NCOA7: variants seen among roughly 807,000 people sequenced by gnomAD.
NCOA7 encodes the protein 140 kDa estrogen receptor-associated protein.
In NCOA7, 45 loss-of-function variants were observed where a neutral mutation model predicts 104.3. The ratio of observed to expected loss-of-function variants is 0.43; its 90% confidence interval spans 0.34 to 0.55. NCOA7 has a LOEUF of 0.55. NCOA7 is among the 20% of genes least tolerant of loss of function. The probability of loss-of-function intolerance (pLI) is 0.02; values close to 1 mark genes in which losing one functional copy is unlikely to be tolerated. For missense variants in NCOA7, 1,041 were observed against 1,119.7 expected, an observed-to-expected ratio of 0.93 and a Z score of 1.00; for synonymous variants, 398 against 402.3, an observed-to-expected ratio of 0.99 and a Z score of 0.13.
intron 6 of NCOA7, among the ~76,000 whole-genome samples, chr6:125,881,769 T>C (rs925434306): frequency 3.4e-4 from 52 of 152,044 alleles, no homozygotes; most frequent in African/African-American, 1.2e-3. Context: ...TTCCTCCTTT[T>C]TTTAAAAAAA....
rs938626016 is a variant in NCOA7, at chr6:125,922,899, A to G, written c.2523+65A>G. On this transcript the variant is annotated intron_variant, in intron 13 of 15. Coordinates refer to ENST00000392477, the MANE Select transcript of NCOA7 (RefSeq NM_181782.5). ...TTTTTCAAAATTCCCAACAGTAGAG[A>G]GACTAGTACCATATACTTCCATCAC... 6.2e-5 allele frequency: 90 copies of G among 1,449,492 alleles called. No individual in the cohort carries two copies. The Middle Eastern group carries it at 7.2e-4, about 12-fold the overall frequency. The allele number at this position is 1,449,492 out of a possible 1,614,324, so 89.8% of individuals were successfully genotyped here. A position where few individuals can be genotyped will look rare whatever the true frequency, so the allele number is the denominator to read the frequency against.
intron 12 of NCOA7, 77 bp from the exon 13 acceptor site, chr6:125,922,605 C>T: frequency 6.6e-7 from 1 of 1,517,888 alleles, no homozygotes; most frequent in Non-Finnish European, 9.0e-7. Flanking sequence ...GAATAACAGG[C>T]ATTTGTTTTG....
At chr6:125,865,886 C>A (rs1370553451) in intron 3 of NCOA7, among the ~76,000 whole-genome samples, 2 of 135,566 alleles carry the variant, frequency 1.5e-5, no homozygotes, top group Admixed American at 1.4e-4. Context: ...CAGGGTCTGC[C>A]CATCTTACTC....
At chr6:125,850,760 T>C (rs1446855255) in intron 2 of NCOA7, among the ~76,000 whole-genome samples, 1 of 152,212 alleles carries the variant, frequency 6.6e-6, no homozygotes, top group Non-Finnish European at 1.5e-5. Flanking sequence ...ACAAAGTTAA[T>C]CCCAAACATG....
intron 13 of NCOA7, among the ~76,000 whole-genome samples, chr6:125,924,718 A>G (rs1020328119): frequency 1.3e-5 from 2 of 152,114 alleles, no homozygotes; most frequent in African/African-American, 4.8e-5. Context: ...CTCAGTTATA[A>G]CAGTGGGACT....
At chr6:125,923,036 A>G (rs899305669) in intron 13 of NCOA7, among the ~76,000 whole-genome samples, 2 of 152,156 alleles carry the variant, frequency 1.3e-5, no homozygotes, top group African/African-American at 4.8e-5. Context: ...ACCCCTACAT[A>G]TTTCAGGATC....
intron 1 of NCOA7, among the ~76,000 whole-genome samples, chr6:125,793,353 A>C (rs1010056800): frequency 2.6e-5 from 4 of 152,170 alleles, no homozygotes; most frequent in African/African-American, 9.7e-5. Context: ...TGTTACTTAT[A>C]AGCACTTATT....
At chr6:125,786,621 G>T (rs556840298), upstream of NCOA7, among the ~76,000 whole-genome samples, 1 of 144,502 alleles carries the variant, frequency 6.9e-6, no homozygotes. Flanking sequence ...CCGTCGCCCA[G>T]GCTGGAGTGC....
At chr6:125,915,930 AT>A (rs1474124312) in intron 11 of NCOA7, among the ~76,000 whole-genome samples, 1 of 152,194 alleles carries the variant, frequency 6.6e-6, no homozygotes, top group Non-Finnish European at 1.5e-5. Context: ...ATTGTTATTA[AT>A]TTTTATTGAA....
chr6:125,897,494 A>G (rs1393617426), intron 10 of NCOA7, among the ~76,000 whole-genome samples: 4 of 152,046 alleles, frequency 2.6e-5, no homozygotes, highest in Admixed American at 2.0e-4. Context: ...TTTATTTTCT[A>G]TTCTCTATTA....
chr6:125,842,808 T>G (rs1028184508), intron 2 of NCOA7, among the ~76,000 whole-genome samples: 6 of 152,234 alleles, frequency 3.9e-5, no homozygotes, highest in Non-Finnish European at 7.3e-5. Context: ...ACATCTGTAA[T>G]ATTCTAATTG....
intron 11 of NCOA7, among the ~76,000 whole-genome samples, chr6:125,920,063 G>A (rs1016217278): frequency 2.6e-5 from 4 of 152,092 alleles, no homozygotes; most frequent in Non-Finnish European, 5.9e-5. Flanking sequence ...AATTTAAGAA[G>A]GGCCAAAAAT....
chr6:125,923,185 T>G (rs1787739905), intron 13 of NCOA7, among the ~76,000 whole-genome samples: 2 of 152,156 alleles, frequency 1.3e-5, no homozygotes, highest in Non-Finnish European at 2.9e-5. Context: ...GAGATCTGGA[T>G]TTGGAAACAG....
At chr6:125,788,870 C>A (rs570338554), upstream of NCOA7, among the ~76,000 whole-genome samples, 1 of 152,010 alleles carries the variant, frequency 6.6e-6, no homozygotes, top group Admixed American at 6.5e-5. Flanking sequence ...AATTGATGGT[C>A]ACAACTTTAA....
At chr6:125,785,107 G>T (rs1353769058) in intron 1 of NCOA7, among the ~76,000 whole-genome samples, 1 of 152,144 alleles carries the variant, frequency 6.6e-6, no homozygotes, top group Non-Finnish European at 1.5e-5. Flanking sequence ...GGAGGCCGAG[G>T]CAGGTGGATC....
intron 2 of NCOA7, among the ~76,000 whole-genome samples, chr6:125,848,856 A>T (rs1780863627): frequency 6.6e-6 from 1 of 152,190 alleles, no homozygotes; most frequent in South Asian, 2.1e-4. Context: ...AAATACCTTA[A>T]ATAAGAAGAT....
At chr6:125,884,946 C>T (rs971660677) in intron 7 of NCOA7, among the ~76,000 whole-genome samples, 63 of 152,204 alleles carry the variant, frequency 4.1e-4, no homozygotes, top group Non-Finnish European at 8.8e-5. Flanking sequence ...CTGGTTGCCT[C>T]AGTGAGCCAC....
chr6:125,854,948 C>T lies in NCOA7; in HGVS notation c.51-72C>T, dbSNP rs148108122. 995 of 1,003,292 alleles carry T rather than the reference C, an allele frequency of 9.9e-4. 11 individuals are homozygous for T. In the African/African-American group the frequency reaches 0.014, roughly 14 times the overall value. 62.1% of individuals were successfully genotyped at this position (1,003,292 alleles called of 1,614,324 possible). A position where few individuals can be genotyped will look rare whatever the true frequency, so the allele number is the denominator to read the frequency against. Reference sequence around the variant, plus strand: ...TTCATTAGTTTTCAAAGTCCAGCAGCGTGAAATTAATATGATTTCTACCAG... The same window carrying T: ...TTCATTAGTTTTCAAAGTCCAGCAGTGTGAAATTAATATGATTTCTACCAG... On this transcript the variant is annotated intron_variant, in intron 2 of 15. Coordinates refer to ENST00000392477, the MANE Select transcript of NCOA7 (RefSeq NM_181782.5).
rs764891191 is a variant in NCOA7 at position 125,881,175 on chromosome 6, C to T, written c.545C>T (p.Ser182Leu). The part of the protein sequence containing the change: ...SSPGATVSPS[S>L]SDAEYDKLPD... ...CCTGGTGCTACTGTCTCTCCTTCAT[C>T]ATCAGATGCAGAATATGATAAATTG... is the stretch of plus-strand genomic sequence containing the variant. Residue 182 changes from serine to leucine, a missense_variant, in exon 6 of 16, where the codon TCA (serine) becomes TTA (leucine). Coordinates refer to ENST00000392477, the MANE Select transcript of NCOA7 (RefSeq NM_181782.5). 3 of 1,613,104 alleles carry T rather than the reference C, an allele frequency of 1.9e-6. No individual in the cohort carries two copies. Among genetic ancestry groups the T allele is most frequent in the Non-Finnish European group, 2.5e-6 (3 of 1,179,132 alleles).
Sources: gnomAD v4.1 joint callset for allele counts (sites outside exome capture counted in the v4.1 genomes callset) on GRCh38, gnomAD v4.1.1 for gene constraint, MANE v1.5 for transcripts, NCBI Gene and HGNC (gene_info 2026-07-23, HGNC 2026-07-21) for gene names.